The following FSTL5 variants were observed in gnomAD, a reference collection of about 807,000 sequenced individuals.
FSTL5 encodes the protein follistatin like 5.
A neutral mutation model predicts 89.1 loss-of-function variants in FSTL5; 62 were observed. The observed-to-expected ratio is 0.70, with a 90% CI of 0.57 to 0.86. The LOEUF (loss-of-function observed/expected upper bound fraction) is 0.86. Ranked by LOEUF, FSTL5 falls within the 40% of genes least tolerant of loss-of-function variation. The pLI, the probability that FSTL5 is intolerant of heterozygous loss-of-function variation, is 0.00. For missense variants in FSTL5, 1,057 were observed against 1,001.6 expected, an observed-to-expected ratio of 1.06 and a Z score of -0.75; for synonymous variants, 383 against 346.2, an observed-to-expected ratio of 1.11 and a Z score of -1.18.
chr4:161,548,721 C>T (rs1319155197), intron 8 of FSTL5, among the ~76,000 whole-genome samples: 1 of 151,652 alleles, frequency 6.6e-6, no homozygotes, highest in African/African-American at 2.4e-5. Flanking sequence ...AAGTGCCAGG[C>T]ATTCCAAGAA....
chr4:161,510,376 T>C, intron 11 of FSTL5, 22 bp downstream of exon 11: 1 of 1,469,110 alleles, frequency 6.8e-7, no homozygotes, highest in African/African-American at 1.4e-5. Context: ...TGTCACAACA[T>C]AAAAATAATT....
chr4:161,413,032 C>A (rs959994589), intron 15 of FSTL5, among the ~76,000 whole-genome samples: 7 of 151,940 alleles, frequency 4.6e-5, no homozygotes, highest in Admixed American at 4.6e-4. Context: ...TCCCCAAAGG[C>A]AATTGCGATA....
At chr4:161,637,329 A>T (rs1578985395) in intron 7 of FSTL5, among the ~76,000 whole-genome samples, 1 of 67,444 alleles carries the variant, frequency 1.5e-5, no homozygotes, top group Non-Finnish European at 2.7e-5. Context: ...TTTCTTGTAA[A>T]TTTGTTTGAG....
At chr4:161,718,422 A>T (rs567308496) in intron 6 of FSTL5, among the ~76,000 whole-genome samples, 1 of 151,808 alleles carries the variant, frequency 6.6e-6, no homozygotes, top group East Asian at 1.9e-4. Context: ...AGAGATGGAG[A>T]ATATGATAAT....
intron 2 of FSTL5, among the ~76,000 whole-genome samples, chr4:162,069,508 T>G: frequency 6.6e-6 from 1 of 151,886 alleles, no homozygotes. Flanking sequence ...TAGCTGTAAT[T>G]TTTGGTTTGT....
At chr4:161,532,123 T>C (rs1195945700) in intron 10 of FSTL5, among the ~76,000 whole-genome samples, 1 of 150,866 alleles carries the variant, frequency 6.6e-6, no homozygotes, top group Non-Finnish European at 1.5e-5. Flanking sequence ...GAGAATGGCA[T>C]GAACCCGGGA....
At chr4:162,049,813 T>C (rs1290292218) in intron 2 of FSTL5, among the ~76,000 whole-genome samples, 1 of 151,980 alleles carries the variant, frequency 6.6e-6, no homozygotes, top group Non-Finnish European at 1.5e-5. Flanking sequence ...AAAATAAGCA[T>C]GATGACTATA....
chr4:162,097,351 T>C (rs1371336212), intron 2 of FSTL5, among the ~76,000 whole-genome samples: 1 of 151,856 alleles, frequency 6.6e-6, no homozygotes, highest in African/African-American at 2.4e-5. Flanking sequence ...TGTGTGTATA[T>C]GTAATACTTG....
At chr4:161,389,094 G>A (rs999507287) in intron 15 of FSTL5, among the ~76,000 whole-genome samples, 52 of 151,984 alleles carry the variant, frequency 3.4e-4, no homozygotes, top group Non-Finnish European at 1.5e-5. Context: ...TTAGGAAGTG[G>A]TGTCTCTAAT....
chr4:161,735,616 A>C (rs1739782759), intron 6 of FSTL5, among the ~76,000 whole-genome samples: 1 of 152,208 alleles, frequency 6.6e-6, no homozygotes, highest in Non-Finnish European at 1.5e-5. Context: ...TTAATTAAGA[A>C]AATTTTACAT....
chr4:161,940,291 T>A (rs1394137427), intron 3 of FSTL5, among the ~76,000 whole-genome samples: 15 of 151,856 alleles, frequency 9.9e-5, no homozygotes, highest in African/African-American at 3.6e-4. Flanking sequence ...CCTTATGAGA[T>A]CTGTGGAATG....
intron 7 of FSTL5, among the ~76,000 whole-genome samples, chr4:161,608,580 T>A (rs1734534216): frequency 6.6e-6 from 1 of 151,990 alleles, no homozygotes; most frequent in African/African-American, 2.4e-5. Context: ...TCTACACATT[T>A]CTAAAATTAC....
At chr4:161,624,159 A>G (rs1459111380) in intron 7 of FSTL5, among the ~76,000 whole-genome samples, 1 of 152,086 alleles carries the variant, frequency 6.6e-6, no homozygotes, top group Non-Finnish European at 1.5e-5. Flanking sequence ...CACTTTATTC[A>G]TAGTCTGAAT....
chr4:161,758,344 A>T (rs1740651471), intron 6 of FSTL5, among the ~76,000 whole-genome samples: 1 of 152,070 alleles, frequency 6.6e-6, no homozygotes, highest in African/African-American at 2.4e-5. Context: ...AAAAAAATGG[A>T]AATTTTGGTT....
intron 2 of FSTL5, among the ~76,000 whole-genome samples, chr4:162,059,598 C>T (rs2111277857): frequency 1.3e-5 from 2 of 152,200 alleles, no homozygotes; most frequent in Middle Eastern, 6.8e-3. Context: ...CCTTTCAGAA[C>T]ACGGTAATAT....
chr4:161,545,328 C>T (rs1030331217), intron 8 of FSTL5, among the ~76,000 whole-genome samples: 13 of 152,072 alleles, frequency 8.5e-5, no homozygotes, highest in African/African-American at 2.9e-4. Flanking sequence ...GTCTCTCTCT[C>T]CCATGTATAT....
intron 3 of FSTL5, among the ~76,000 whole-genome samples, chr4:161,936,864 C>G (rs1051863910): frequency 6.6e-6 from 1 of 152,080 alleles, no homozygotes; most frequent in Non-Finnish European, 1.5e-5. Flanking sequence ...AGCCATCAGG[C>G]AGATTATTCA....
intron 12 of FSTL5, among the ~76,000 whole-genome samples, chr4:161,486,409 G>C (rs879605381): frequency 2.0e-5 from 3 of 152,148 alleles, no homozygotes; most frequent in Non-Finnish European, 4.4e-5. Flanking sequence ...CAAAGGAGGG[G>C]AGAGAGGGTT....
intron 4 of FSTL5, among the ~76,000 whole-genome samples, chr4:161,904,370 T>C (rs1053980932): frequency 2.6e-4 from 40 of 152,220 alleles, no homozygotes; most frequent in African/African-American, 9.6e-4. Context: ...TCTACTATTT[T>C]AGGAGTTTGT....
Sources: allele counts gnomAD v4.1 joint callset (sites outside exome capture counted in the v4.1 genomes callset), GRCh38; gene constraint gnomAD v4.1.1; transcripts MANE v1.5; gene names NCBI Gene and HGNC (gene_info 2026-07-23, HGNC 2026-07-21).